LRRK2: variants seen among roughly 807,000 people sequenced by gnomAD.
LRRK2 encodes the protein leucine rich repeat kinase 2.
A neutral mutation model predicts 302.6 loss-of-function variants in LRRK2; 203 were observed. The ratio of observed to expected loss-of-function variants is 0.67; its 90% confidence interval spans 0.60 to 0.75. The LOEUF (loss-of-function observed/expected upper bound fraction) is 0.75, where lower values mean the gene tolerates loss of function less well. Among genes scored for constraint, LRRK2 ranks in the 30% least tolerant of loss-of-function variants. LRRK2 has a pLI of 0.00. For synonymous variants in LRRK2, 1,066 were observed against 1,031.9 expected, an observed-to-expected ratio of 1.03 and a Z score of -0.63; for missense variants, 2,830 against 2,951.0, an observed-to-expected ratio of 0.96 and a Z score of 0.95.
Position 40,283,915 on chromosome 12 carries a change from T to C in LRRK2, c.2282T>C (p.Leu761Ser), listed in dbSNP as rs1276618177. 1.2e-6 allele frequency: 2 copies of C among 1,613,646 alleles called. No individual in the cohort carries two copies. The highest frequency in any genetic ancestry group is 2.7e-5 in the African/African-American group (2 of 75,042). ...AGCAGTCCCAAATTGGTGGAACTCTTACTGAATAGTGGATCTCGTGAACAA... is the reference window on the plus strand; with the variant it reads ...AGCAGTCCCAAATTGGTGGAACTCTCACTGAATAGTGGATCTCGTGAACAA... ...KESSPKLVEL[L>S]LNSGSREQDV... The change falls in exon 19 of 51, where the codon TTA (leucine) becomes TCA (serine). Residue 761 changes from leucine (L) to serine (S), a missense_variant. Physicochemically the swap from Leu to Ser is moderately radical, Grantham distance 145 (BLOSUM62 -2). Coordinates refer to ENST00000298910, the MANE Select transcript of LRRK2 (RefSeq NM_198578.4).
At chr12:40,225,502 G>A in intron 1 of LRRK2, 53 bp from the exon 2 acceptor site, 4 of 1,472,118 alleles carry the variant, frequency 2.7e-6, no homozygotes, top group Non-Finnish European at 3.8e-6. Context: ...AAAAGGAGAG[G>A]GGGTGCTGTG....
intron 6 of LRRK2, among the ~76,000 whole-genome samples, chr12:40,243,192 A>G (rs939870949): frequency 1.3e-5 from 2 of 151,192 alleles, no homozygotes; most frequent in Non-Finnish European, 3.0e-5. Flanking sequence ...CAATTTATTT[A>G]TCTGAAAACT....
At chr12:40,313,933 A>G (rs769624931) in intron 31 of LRRK2, 39 bp from the exon 32 acceptor site, 2 of 1,581,032 alleles carry the variant, frequency 1.3e-6, no homozygotes, top group Admixed American at 3.4e-5. Flanking sequence ...ATACACAAAT[A>G]AAATAGATTT....
chr12:40,272,270 T>A (rs529767333), intron 14 of LRRK2, among the ~76,000 whole-genome samples: 1 of 152,166 alleles, frequency 6.6e-6, no homozygotes, highest in East Asian at 1.9e-4. Context: ...ACAATCTGAC[T>A]TTTTTTTGTA....
intron 38 of LRRK2, among the ~76,000 whole-genome samples, chr12:40,327,714 G>A (rs1204649605): frequency 6.6e-6 from 1 of 152,022 alleles, no homozygotes; most frequent in Non-Finnish European, 1.5e-5. Flanking sequence ...GAACTCAGAA[G>A]GCCTCCTGGG....
At position 40,251,359 on chromosome 12, in the gene LRRK2, G is replaced by C; in HGVS notation, c.1086G>C (p.Lys362Asn). The C allele has an allele frequency of 6.2e-7, 1 of 1,613,914 alleles. No homozygotes were observed. Among genetic ancestry groups the C allele is most frequent in the Non-Finnish European group, 8.5e-7 (1 of 1,179,896 alleles). The stretch of plus-strand genomic sequence containing the variant: ...ACAAAGCATTAACGTGGCATAGAAA[G>C]AACAAGCACGTGCAGGTAGGACTCT... The part of the protein sequence containing the change: ...ACYKALTWHR[K>N]NKHVQEAACW... Residue 362 changes from lysine (K) to asparagine (N), a missense_variant, in exon 9 of 51, where the codon AAG (lysine) becomes AAC (asparagine). By Grantham distance (94) the Lys-to-Asn change is moderately conservative (BLOSUM62 0). Around this residue, in one of 3 missense-constraint regions of LRRK2, gnomAD observed 2,121 missense variants for 2,148.0 expected, o/e 0.99. Transcript: ENST00000298910.
chr12:40,355,035 G>T (rs1369078988), intron 45 of LRRK2, among the ~76,000 whole-genome samples: 2 of 152,186 alleles, frequency 1.3e-5, no homozygotes, highest in African/African-American at 4.8e-5. Context: ...TTTCAGGTGT[G>T]AGTTGTAGGT....
At chr12:40,294,731 TCCCATAA>T in intron 21 of LRRK2, 107 bp from the exon 22 acceptor site, 2 of 593,740 alleles carry the variant, frequency 3.4e-6, no homozygotes, top group Admixed American at 5.9e-5. Context: ...GCCTATTTTT[TCCCATAA>T]TTATAAATAC....
chr12:40,289,434 G>A (rs561612834), intron 20 of LRRK2, among the ~76,000 whole-genome samples: 2 of 149,730 alleles, frequency 1.3e-5, no homozygotes, highest in South Asian at 4.2e-4. Context: ...CTTTATGCTG[G>A]GATTTTTATT....
At chr12:40,251,164 A>G (rs896984709) in intron 8 of LRRK2, 68 bp from the exon 9 acceptor site, 1 of 1,065,430 alleles carries the variant, frequency 9.4e-7, no homozygotes, top group Non-Finnish European at 1.4e-6. Flanking sequence ...ATATGGACTT[A>G]GAGTTGGTCA....
intron 13 of LRRK2, among the ~76,000 whole-genome samples, chr12:40,263,294 G>A (rs909024476): frequency 2.0e-5 from 3 of 152,056 alleles, no homozygotes; most frequent in Non-Finnish European, 2.9e-5. Flanking sequence ...AGCCTTTACA[G>A]AACTTCTAAA....
chr12:40,253,129 G>A lies in LRRK2; in HGVS notation c.1288+113G>A, dbSNP rs578171065. 4 of 695,016 alleles carry A rather than the reference G, an allele frequency of 5.8e-6. No homozygotes were observed. The East Asian group carries it at 1.1e-4, about 19-fold the overall frequency. 43.1% of individuals were successfully genotyped at this position (695,016 alleles called of 1,614,324 possible). A position where few individuals can be genotyped will look rare whatever the true frequency, so the allele number is the denominator to read the frequency against. On this transcript the variant is annotated intron_variant, in intron 11 of 50. Transcript: ENST00000298910. ...CATAATTTATAAAGCTATATATTGT[G>A]AAAGATATCTCTATGTGTAGAGATG... is the stretch of plus-strand genomic sequence containing the variant.
intron 25 of LRRK2, among the ~76,000 whole-genome samples, chr12:40,301,979 C>T (rs1944645527): frequency 6.6e-6 from 1 of 152,038 alleles, no homozygotes; most frequent in South Asian, 2.1e-4. Flanking sequence ...GAGATGGAGA[C>T]CATCCTGGCT....
At chr12:40,260,011 A>G (rs866865421) in intron 13 of LRRK2, among the ~76,000 whole-genome samples, 6 of 151,856 alleles carry the variant, frequency 4.0e-5, no homozygotes, top group Admixed American at 3.3e-4. Context: ...TCTATGATTG[A>G]ATTAATCTTT....
At chr12:40,274,499 T>C in intron 14 of LRRK2, 84 bp from the exon 15 acceptor site, 1 of 1,380,474 alleles carries the variant, frequency 7.2e-7, no homozygotes, top group East Asian at 2.3e-5. Context: ...TTACTTGATT[T>C]ATATTTTGTC....
intron 8 of LRRK2, among the ~76,000 whole-genome samples, chr12:40,250,904 A>G (rs1370720081): frequency 1.3e-5 from 2 of 151,748 alleles, no homozygotes; most frequent in Non-Finnish European, 2.9e-5. Flanking sequence ...TATCTAGTCT[A>G]TCATTGATGG....
At chr12:40,241,392 A>T (rs1273647067) in intron 6 of LRRK2, among the ~76,000 whole-genome samples, 1 of 152,234 alleles carries the variant, frequency 6.6e-6, no homozygotes, top group Non-Finnish European at 1.5e-5. Context: ...AATATTAATC[A>T]GAAGAAATTA....
chr12:40,281,394 T>TG (rs1422113453), intron 18 of LRRK2, among the ~76,000 whole-genome samples: 2 of 152,240 alleles, frequency 1.3e-5, no homozygotes, highest in African/African-American at 4.8e-5. Context: ...GTGGTAGTGG[T>TG]GTTCATTTTC....
intron 11 of LRRK2, 70 bp downstream of exon 11, chr12:40,253,086 T>C (rs1942350653): frequency 1.0e-6 from 1 of 985,364 alleles, no homozygotes; most frequent in Non-Finnish European, 1.6e-6. Flanking sequence ...ATAGAAGCTA[T>C]ATACTGTGAA....
Sources: gnomAD v4.1 joint callset for allele counts (sites outside exome capture counted in the v4.1 genomes callset) on GRCh38, gnomAD v4.1.1 for gene constraint, gnomAD v4.1.1 regional missense constraint, MANE v1.5 for transcripts, NCBI Gene and HGNC (gene_info 2026-07-23, HGNC 2026-07-21) for gene names.